USP12: variants seen among roughly 807,000 people sequenced by gnomAD.
USP12 encodes ubiquitin specific peptidase 12.
USP12 carries 19 observed loss-of-function variants against 45.5 expected under a neutral mutation model. That is an observed-to-expected ratio of 0.42 (90% confidence interval 0.29 to 0.61). The LOEUF (loss-of-function observed/expected upper bound fraction) is 0.61. Ranked by LOEUF, USP12 falls within the 20% of genes least tolerant of loss-of-function variation. The pLI is 0.22. For synonymous variants in USP12, 149 were observed against 148.8 expected (o/e 1.00, Z -0.01); for missense variants, 242 against 447.7 (o/e 0.54, Z 4.15).
chr13:27,113,449 C>A (rs554462193), intron 2 of USP12, among the ~76,000 whole-genome samples: 1 of 152,290 alleles, frequency 6.6e-6, no homozygotes, highest in South Asian at 2.1e-4. Context: ...CCAACCAGTT[C>A]TTGTTTAGGT....
At chr13:27,069,407 T>A (rs373838238) in intron 8 of USP12, 23 bp from the exon 9 acceptor site, 8 of 1,553,488 alleles carry the variant, frequency 5.1e-6, no homozygotes, top group Non-Finnish European at 7.1e-6. Flanking sequence ...ATGTAAACAT[T>A]AGTACATAAA....
chr13:27,149,044 C>T (rs903707355), intron 1 of USP12, among the ~76,000 whole-genome samples: 8 of 151,612 alleles, frequency 5.3e-5, no homozygotes, highest in African/African-American at 1.5e-4. Context: ...ATTAGCCAGG[C>T]GTGGTGGCAC....
intron 6 of USP12, among the ~76,000 whole-genome samples, chr13:27,079,718 T>A (rs183493989): frequency 2.3e-4 from 35 of 152,300 alleles, no homozygotes; most frequent in Admixed American, 2.0e-3. Flanking sequence ...TTAGATGGAA[T>A]CTGATCCAGA....
At chr13:27,070,921 G>A (rs895155380) in intron 8 of USP12, 150 bp downstream of exon 8, 3 of 630,396 alleles carry the variant, frequency 4.8e-6, no homozygotes, top group Non-Finnish European at 7.9e-6. Context: ...ACGTTGCAGA[G>A]TAAGAAGTAG....
At chr13:27,143,005 A>G (rs1288307596) in intron 1 of USP12, among the ~76,000 whole-genome samples, 2 of 152,094 alleles carry the variant, frequency 1.3e-5, no homozygotes, top group Middle Eastern at 3.4e-3. Flanking sequence ...AGGCAGGAGA[A>G]TCGCTTGAAC....
At chr13:27,142,830 C>T (rs1187362590) in intron 1 of USP12, among the ~76,000 whole-genome samples, 1 of 152,204 alleles carries the variant, frequency 6.6e-6, no homozygotes, top group Admixed American at 6.5e-5. Flanking sequence ...TGCAGTGGCT[C>T]TTGCCTGTAA....
intron 6 of USP12, among the ~76,000 whole-genome samples, chr13:27,087,167 A>G (rs1874090324): frequency 6.6e-6 from 1 of 151,598 alleles, no homozygotes; most frequent in Non-Finnish European, 1.5e-5. Flanking sequence ...GTGTGCATAC[A>G]GGGAGCGGGG....
intron 1 of USP12, among the ~76,000 whole-genome samples, chr13:27,131,655 G>A (rs1876508682): frequency 6.6e-6 from 1 of 152,090 alleles, no homozygotes; most frequent in African/African-American, 2.4e-5. Context: ...TAAAATATCA[G>A]AACAAGCACC....
intron 3 of USP12, among the ~76,000 whole-genome samples, chr13:27,103,611 A>T (rs1386919363): frequency 2.1e-5 from 2 of 93,598 alleles, no homozygotes; most frequent in Non-Finnish European, 4.5e-5. Context: ...AAAAAAAAAT[A>T]ATAATAATAA....
intron 1 of USP12, among the ~76,000 whole-genome samples, chr13:27,167,541 AT>A (rs199976026): frequency 9.6e-4 from 146 of 151,708 alleles, no homozygotes; most frequent in African/African-American, 1.7e-3. Flanking sequence ...AGGTTTTCTT[AT>A]TTTTTTTAAA....
chr13:27,100,293 C>T (rs1436179824), intron 3 of USP12, among the ~76,000 whole-genome samples: 1 of 152,186 alleles, frequency 6.6e-6, no homozygotes, highest in East Asian at 1.9e-4. Context: ...TTGCTTATTG[C>T]ACCTTATTTC....
At chr13:27,084,025 T>G (rs929486971) in intron 6 of USP12, among the ~76,000 whole-genome samples, 5 of 151,800 alleles carry the variant, frequency 3.3e-5, no homozygotes, top group African/African-American at 1.2e-4. Context: ...CCACCATGCC[T>G]GGCTAAATTT....
At chr13:27,132,730 T>A (rs1876563762) in intron 1 of USP12, among the ~76,000 whole-genome samples, 3 of 152,216 alleles carry the variant, frequency 2.0e-5, no homozygotes, top group African/African-American at 7.2e-5. Context: ...AGAATAGGAA[T>A]GTCCTTGTCC....
chr13:27,114,585 A>G (rs768348528), intron 2 of USP12, among the ~76,000 whole-genome samples: 15 of 152,202 alleles, frequency 9.9e-5, no homozygotes, highest in African/African-American at 1.4e-4. Context: ...TATACAAATT[A>G]TAGTGACAGG....
intron 1 of USP12, among the ~76,000 whole-genome samples, chr13:27,145,343 A>G (rs1566002647): frequency 6.6e-6 from 1 of 152,212 alleles, no homozygotes; most frequent in African/African-American, 2.4e-5. Flanking sequence ...GCTAAAACAC[A>G]CCTTACCCAT....
At chr13:27,145,286 C>T (rs1368312463) in intron 1 of USP12, among the ~76,000 whole-genome samples, 1 of 152,158 alleles carries the variant, frequency 6.6e-6, no homozygotes, top group Non-Finnish European at 1.5e-5. Flanking sequence ...ATGGTAGCTC[C>T]TAAGAATCAA....
chr13:27,147,783 C>A (rs1317264721), intron 1 of USP12, among the ~76,000 whole-genome samples: 2 of 152,016 alleles, frequency 1.3e-5, no homozygotes, highest in African/African-American at 2.4e-5. Context: ...TTTTAAAAAA[C>A]CGTCAACCAA....
At chr13:27,145,520 T>C (rs1429973995) in intron 1 of USP12, among the ~76,000 whole-genome samples, 1 of 152,194 alleles carries the variant, frequency 6.6e-6, no homozygotes, top group Admixed American at 6.5e-5. Context: ...TAAAGATATT[T>C]AATAATAACC....
intron 1 of USP12, among the ~76,000 whole-genome samples, chr13:27,149,349 CTT>C (rs1179372620): frequency 2.0e-5 from 3 of 152,196 alleles, no homozygotes; most frequent in Non-Finnish European, 4.4e-5. Context: ...AAAATTCCCT[CTT>C]GTTAACTTCT....
Sources: gnomAD v4.1 joint callset for allele counts (sites outside exome capture counted in the v4.1 genomes callset) on GRCh38, gnomAD v4.1.1 for gene constraint, MANE v1.5 for transcripts, NCBI Gene and HGNC (gene_info 2026-07-23, HGNC 2026-07-21) for gene names.